The following MTUS2 variants were observed in gnomAD, a reference collection of about 807,000 sequenced individuals.
MTUS2 encodes the protein microtubule associated scaffold protein 2, also known as microtubule-associated tumor suppressor candidate 2.
A neutral mutation model predicts 114.1 loss-of-function variants in MTUS2; 40 were observed. The ratio of observed to expected loss-of-function variants is 0.35; its 90% CI spans 0.27 to 0.46. The LOEUF is 0.46. Among genes scored for constraint, MTUS2 ranks in the 20% least tolerant of loss-of-function variants. The probability of loss-of-function intolerance (pLI) is 1.00; values close to 1 mark genes in which losing one functional copy is unlikely to be tolerated. For synonymous variants in MTUS2, 688 were observed against 672.0 expected (o/e 1.02, Z -0.37); for missense variants, 1,679 against 1,705.4 (o/e 0.98, Z 0.27).
chr13:28,856,638 C>G (rs1169302793), intron 2 of MTUS2, among the ~76,000 whole-genome samples: 2 of 152,122 alleles, frequency 1.3e-5, no homozygotes, highest in African/African-American at 4.8e-5. Context: ...AGAACTCTGC[C>G]GCTTATCTGG....
intron 5 of MTUS2, chr13:29,250,701 A>G (rs932600423): frequency 2.0e-5 from 3 of 152,130 alleles, no homozygotes; most frequent in Non-Finnish European, 2.9e-5. Context: ...ACGACTTCTC[A>G]TTTTGAAAAA....
intron 4 of MTUS2, among the ~76,000 whole-genome samples, chr13:29,100,133 TC>T (rs1890346409): frequency 6.6e-6 from 1 of 152,148 alleles, no homozygotes; most frequent in African/African-American, 2.4e-5. Context: ...GTGTTATCAT[TC>T]CCAGTCTTCA....
At chr13:29,167,299 T>C (rs1234105268) in intron 5 of MTUS2, among the ~76,000 whole-genome samples, 1 of 151,568 alleles carries the variant, frequency 6.6e-6, no homozygotes, top group Non-Finnish European at 1.5e-5. Context: ...GGCGTGAACC[T>C]GGGAGGTGGA....
chr13:29,169,399 A>G (rs1379393215), intron 5 of MTUS2, among the ~76,000 whole-genome samples: 3 of 152,172 alleles, frequency 2.0e-5, no homozygotes, highest in East Asian at 1.9e-4. Context: ...GGAAGAGAAA[A>G]TGGTTCTGAG....
chr13:29,173,192 CT>C (rs1310878495), intron 5 of MTUS2, among the ~76,000 whole-genome samples: 1 of 151,780 alleles, frequency 6.6e-6, no homozygotes, highest in Non-Finnish European at 1.5e-5. Context: ...TCAATATTTC[CT>C]TTTTTGAGTC....
intron 5 of MTUS2, among the ~76,000 whole-genome samples, chr13:29,224,191 C>A (rs4769697): frequency 6.6e-6 from 1 of 151,936 alleles, no homozygotes; most frequent in Admixed American, 6.5e-5. Flanking sequence ...ATAAAGGTTT[C>A]TGGCCAGAAA....
intron 8 of MTUS2, among the ~76,000 whole-genome samples, 198 bp downstream of exon 8, chr13:29,359,671 G>T (rs1870067102): frequency 6.6e-6 from 1 of 152,174 alleles, no homozygotes; most frequent in Non-Finnish European, 1.5e-5. Flanking sequence ...AGGTGTGAAA[G>T]AAATACGTCT....
At chr13:29,309,381 G>A (rs1004490095) in intron 6 of MTUS2, among the ~76,000 whole-genome samples, 3 of 152,140 alleles carry the variant, frequency 2.0e-5, no homozygotes, top group African/African-American at 7.2e-5. Context: ...GCTGAATAAT[G>A]AGAACACATG....
intron 2 of MTUS2, among the ~76,000 whole-genome samples, chr13:28,850,607 G>A (rs1409317985): frequency 1.3e-5 from 2 of 152,182 alleles, no homozygotes; most frequent in Non-Finnish European, 2.9e-5. Flanking sequence ...TTAACATTAA[G>A]GTGTTAAACA....
intron 2 of MTUS2, among the ~76,000 whole-genome samples, chr13:29,023,860 T>C (rs976190967): frequency 2.6e-5 from 4 of 152,204 alleles, no homozygotes; most frequent in African/African-American, 7.2e-5. Flanking sequence ...CTAACTAATA[T>C]CAGGAGTCCG....
chr13:28,887,317 G>A (rs913192567), intron 2 of MTUS2, among the ~76,000 whole-genome samples: 1 of 151,952 alleles, frequency 6.6e-6, no homozygotes, highest in Admixed American at 6.6e-5. Context: ...AGATACCCTC[G>A]CCCCTTTCGG....
chr13:28,961,187 AAG>A (rs571449338), intron 2 of MTUS2, among the ~76,000 whole-genome samples: 25 of 152,180 alleles, frequency 1.6e-4, no homozygotes, highest in Non-Finnish European at 2.8e-4. Flanking sequence ...AATGAGGAGA[AAG>A]AGGATGGACT....
At chr13:28,861,813 G>A (rs1247476404) in intron 2 of MTUS2, among the ~76,000 whole-genome samples, 1 of 152,160 alleles carries the variant, frequency 6.6e-6, no homozygotes, top group East Asian at 1.9e-4. Context: ...AGGCGTGAGT[G>A]GAGGTGGCGA....
Position 29,026,711 on chromosome 13 carries a change from G to T in MTUS2, c.2013G>T (p.Pro671=), listed in dbSNP as rs1424838911. ...SLVPVGLPYA[P]PTCTMPLPHE... The stretch of plus-strand genomic sequence containing the variant: ...TTCCAGTGGGGCTTCCATATGCCCC[G>T]CCCACATGTACCATGCCTCTTCCCC... The change falls in exon 3 of 16, where the codon CCG becomes CCT. Residue 671 remains proline, a synonymous_variant. Coordinates refer to ENST00000612955, the MANE Select transcript of MTUS2 (RefSeq NM_001033602.4). 6.2e-7 allele frequency: 1 copy of T among 1,613,930 alleles called. No homozygotes were observed. The highest frequency in any genetic ancestry group is 8.5e-7 in the Non-Finnish European group (1 of 1,179,880).
intron 5 of MTUS2, among the ~76,000 whole-genome samples, chr13:29,193,476 G>C (rs1894533813): frequency 6.6e-6 from 1 of 152,132 alleles, no homozygotes; most frequent in African/African-American, 2.4e-5. Context: ...CAAATCATGA[G>C]TGAACTCCCA....
chr13:29,401,274 G>C (rs923164935), intron 8 of MTUS2, among the ~76,000 whole-genome samples: 1 of 152,146 alleles, frequency 6.6e-6, no homozygotes, highest in Non-Finnish European at 1.5e-5. Context: ...AAAGTGCTGG[G>C]ATTACAGGTG....
intron 9 of MTUS2, among the ~76,000 whole-genome samples, chr13:29,453,160 A>G (rs1241156982): frequency 6.6e-6 from 1 of 152,240 alleles, no homozygotes; most frequent in Non-Finnish European, 1.5e-5. Flanking sequence ...GGTGTCTGAG[A>G]GAAGATAATA....
At chr13:28,849,752 G>A (rs1365166271) in intron 2 of MTUS2, among the ~76,000 whole-genome samples, 1 of 151,914 alleles carries the variant, frequency 6.6e-6, no homozygotes, top group Non-Finnish European at 1.5e-5. Context: ...CTCTAAACAT[G>A]CCTTGTGCTG....
intron 2 of MTUS2, among the ~76,000 whole-genome samples, chr13:28,929,522 C>T (rs181821369): frequency 6.6e-6 from 1 of 152,070 alleles, no homozygotes; most frequent in Admixed American, 6.5e-5. Flanking sequence ...TTGAGCTTGG[C>T]CTGAAATATG....
Sources: allele counts gnomAD v4.1 joint callset (sites outside exome capture counted in the v4.1 genomes callset), GRCh38; gene constraint gnomAD v4.1.1; transcripts MANE v1.5; gene names NCBI Gene and HGNC (gene_info 2026-07-23, HGNC 2026-07-21).